Variants in FLG2 observed in about 807,000 individuals in gnomAD.
FLG2 encodes filaggrin-2.
Under a neutral mutation model 3.9 loss-of-function variants are expected in FLG2, and 7 were observed. The observed-to-expected ratio is 1.79, with a 90% confidence interval of 1.02 to 3.36. FLG2 has a LOEUF of 3.36. FLG2 is among the 30% of genes most tolerant of loss of function. The probability of loss-of-function intolerance (pLI) is 0.00; values close to 1 mark genes in which losing one functional copy is unlikely to be tolerated. For synonymous variants in FLG2, 1,031 were observed against 1,056.1 expected, an observed-to-expected ratio of 0.98 and a Z score of 0.46; for missense variants, 2,700 against 2,809.4, an observed-to-expected ratio of 0.96 and a Z score of 0.88.
In FLG2 at chr1:152,356,868, T is replaced by G; in HGVS notation, c.918A>C (p.Gln306His). Residue 306 changes from glutamine to histidine, a missense_variant, in exon 3 of 3, where the codon CAA becomes CAC. Gln to His is a conservative substitution (Grantham distance 24). Transcript: ENST00000388718. ...SSCQSHRFGG[Q>H]GNQFSYIQSG... The stretch of plus-strand genomic sequence containing the variant: ...ACTGAATATAGCTAAATTGATTTCC[T>G]TGCCCTCCAAATCTATGTGACTGAC... The G allele has an allele frequency of 6.2e-7, 1 of 1,614,228 alleles. No individual in the cohort carries two copies. Among genetic ancestry groups the G allele is most frequent in the East Asian group, 2.2e-5 (1 of 44,892 alleles).
At position 152,356,143 on chromosome 1, in the gene FLG2, G is replaced by C; in HGVS notation, c.1643C>G (p.Ser548Cys). Residue 548 changes from serine to cysteine, a missense_variant, in exon 3 of 3, where the codon TCT becomes TGT. Ser to Cys is a moderately radical substitution (Grantham distance 112, BLOSUM62 -1). Transcript: ENST00000388718. ...ATAGCCAGATGATTGACTTGAGCCA[G>C]AACCATGTTGGCCATAGCTAGACTG... ...SRQSSYGQHG[S>C]GSSQSSGYGQ... 1 of 1,613,744 alleles carries C rather than the reference G, an allele frequency of 6.2e-7. No individual in the cohort carries two copies. The highest frequency in any genetic ancestry group is 8.5e-7 in the Non-Finnish European group (1 of 1,179,918).
chr1:152,353,567 C>T lies in FLG2; in HGVS notation c.4219G>A (p.Gly1407Arg). Residue 1407 changes from glycine (G) to arginine (R), a missense_variant, in exon 3 of 3, where the codon GGA (glycine) becomes AGA (arginine). Coordinates refer to ENST00000388718, the MANE Select transcript of FLG2 (RefSeq NM_001014342.3). ...EATGHGHSGHGQSTQRGSRTT... is the reference protein window; with the variant it reads ...EATGHGHSGHRQSTQRGSRTT... ...CTGGACCCTCTCTGTGTGGACTGTC[C>T]ATGACCAGAGTGGCCATGTCCAGTG... 6 of 1,614,060 alleles carry T rather than the reference C, an allele frequency of 3.7e-6. No homozygotes were observed. Among genetic ancestry groups the T allele is most frequent in the South Asian group, 1.1e-5 (1 of 91,070 alleles).
At position 152,354,996 on chromosome 1, in the gene FLG2, A is replaced by G; in HGVS notation, c.2790T>C (p.Ser930=). The G allele has an allele frequency of 6.3e-7, 1 of 1,589,104 alleles. No homozygotes were observed. The highest frequency in any genetic ancestry group is 1.1e-5 in the South Asian group (1 of 87,878). ...CATGTTGACCATAGCCAGATGACTG[A>G]CTTGAGCCAGAACCATGTTGGCCAT... ...SSYGQHGSGS[S]QSSGYGQHGS... The change falls in exon 3 of 3, where the codon AGT becomes AGC. Residue 930 remains serine, a synonymous_variant. Coordinates refer to ENST00000388718, the MANE Select transcript of FLG2 (RefSeq NM_001014342.3).
rs763998594 is a variant in FLG2 at position 152,354,079 on chromosome 1, T to C, written c.3707A>G (p.Gln1236Arg). ...TATTGTCTGACCATGAGTAGTTTCC[T>C]GTCTCCCATGAACTGTGGATCCTGA... ...VESGSTVHGR[Q>R]ETTHGQTINT... Residue 1236 changes from glutamine (Q) to arginine (R), a missense_variant, in exon 3 of 3, where the codon CAG (glutamine) becomes CGG (arginine). By Grantham distance (43) the Gln-to-Arg change is conservative. Coordinates refer to ENST00000388718, the MANE Select transcript of FLG2 (RefSeq NM_001014342.3). The C allele has an allele frequency of 1.9e-6, 3 of 1,614,280 alleles. No individual in the cohort carries two copies. Among genetic ancestry groups the C allele is most frequent in the South Asian group, 1.1e-5 (1 of 91,090 alleles).
rs1438312898 is a variant in FLG2 at position 152,350,786 on chromosome 1, CACT to C, written c.6997_6999del (p.Ser2333del). On this transcript the variant is annotated inframe_deletion, in exon 3 of 3. Transcript: ENST00000388718. ...TGACTTGATCCATGCCTTTGCCTTT[CACT>C]ACTATGTGACTGAAAATGACTTGCT... 4 of 1,614,236 alleles carry C rather than the reference CACT, an allele frequency of 2.5e-6. No homozygotes were observed. Among genetic ancestry groups the C allele is most frequent in the African/African-American group, 2.7e-5 (2 of 75,068 alleles).
Position 152,354,734 on chromosome 1 carries a change from T to C in FLG2, c.3052A>G (p.Ser1018Gly). ...QSSGYGQHGS[S>G]SGQTTGFGQH... ...CCAAAGCCAGTTGTCTGTCCTGAAC[T>C]AGACCCATGTTGACCATAGCCAGAT... The change falls in exon 3 of 3, where the codon AGT (serine) becomes GGT (glycine). Residue 1018 changes from serine (S) to glycine (G), a missense_variant. By Grantham distance (56) the Ser-to-Gly change is moderately conservative. Coordinates refer to ENST00000388718, the MANE Select transcript of FLG2 (RefSeq NM_001014342.3). 6.2e-7 allele frequency: 1 copy of C among 1,613,586 alleles called. No homozygotes were observed. The highest frequency in any genetic ancestry group is 8.5e-7 in the Non-Finnish European group (1 of 1,179,896).
At chr1:152,359,205 T>C (rs1167057995) in intron 1 of FLG2, among the ~76,000 whole-genome samples, 1 of 152,188 alleles carries the variant, frequency 6.6e-6, no homozygotes, top group African/African-American at 2.4e-5. Flanking sequence ...CTCTACACTT[T>C]GAGTGTGTTG....
chr1:152,358,075 G>A (rs1654315654), intron 2 of FLG2, among the ~76,000 whole-genome samples: 1 of 150,580 alleles, frequency 6.6e-6, no homozygotes, highest in Non-Finnish European at 1.5e-5. Context: ...AGGCTGGAGT[G>A]CAGTGGTGCG....
Position 152,357,118 on chromosome 1 carries a change from T to C in FLG2, c.668A>G (p.Tyr223Cys). The stretch of plus-strand genomic sequence containing the variant: ...ACTGTTTGATCCAGATCCAGATTCA[T>C]ACTCCTCCCCAGATTCCCTAGAAGG... Reference protein sequence around the residue: ...ISPSRESGEEYESGSGSNSWE... With the variant: ...ISPSRESGEECESGSGSNSWE... Residue 223 changes from tyrosine to cysteine, a missense_variant, in exon 3 of 3, where the codon TAT (tyrosine) becomes TGT (cysteine). By Grantham distance (194) the Tyr-to-Cys change is radical (BLOSUM62 -2). Transcript: ENST00000388718. The C allele has an allele frequency of 6.2e-7, 1 of 1,614,210 alleles. No individual in the cohort carries two copies. Among genetic ancestry groups the C allele is most frequent in the Non-Finnish European group, 8.5e-7 (1 of 1,180,030 alleles).
rs755233860 is a variant in FLG2 at position 152,356,407 on chromosome 1, G to A, written c.1379C>T (p.Ser460Leu). ...CTGGTCATAGCCCAAGGATTGACTT[G>A]ATGTAGACTCATGCTGGCCACAAGT... is the stretch of plus-strand genomic sequence containing the variant. ...GQTCGQHEST[S>L]SQSLGYDQHG... Residue 460 changes from serine to leucine, a missense_variant, in exon 3 of 3, where the codon TCA becomes TTA. Coordinates refer to ENST00000388718, the MANE Select transcript of FLG2 (RefSeq NM_001014342.3). The A allele has an allele frequency of 6.8e-6, 11 of 1,614,224 alleles. No homozygotes were observed. The highest frequency in any genetic ancestry group is 1.6e-4 in the Middle Eastern group (1 of 6,062).
rs539533778 is a variant in FLG2 at position 152,351,799 on chromosome 1, G to T, written c.5987C>A (p.Thr1996Asn). The T allele has an allele frequency of 1.2e-6, 2 of 1,612,696 alleles. No individual in the cohort carries two copies. Among genetic ancestry groups the T allele is most frequent in the South Asian group, 1.1e-5 (1 of 91,040 alleles). The change falls in exon 3 of 3, where the codon ACT (threonine) becomes AAT (asparagine). Residue 1996 changes from threonine to asparagine, a missense_variant. Physicochemically the swap from Thr to Asn is moderately conservative, Grantham distance 65 (BLOSUM62 0). Transcript: ENST00000388718. ...SGSSVHERHGTTHGQTADTTR... is the reference protein window; with the variant it reads ...SGSSVHERHGNTHGQTADTTR... ...GGTATCTGCTGTTTGTCCATGAGTA[G>T]TTCCGTGTCTCTCATGAACTGAGGA... is the stretch of plus-strand genomic sequence containing the variant.
Position 152,356,097 on chromosome 1 carries a change from C to T in FLG2, c.1689G>A (p.Glu563=), listed in dbSNP as rs1321671032. 1 of 1,613,534 alleles carries T rather than the reference C, an allele frequency of 6.2e-7. No individual in the cohort carries two copies. The highest frequency in any genetic ancestry group is 1.3e-5 in the African/African-American group (1 of 74,690). Residue 563 remains glutamate, a synonymous_variant, in exon 3 of 3, where the codon GAG becomes GAA. Transcript: ENST00000388718. Reference sequence around the variant, plus strand: ...ACCCATGTTGTCCAAAGCCAGATGTCTCTCTAGACCCATATTGGCCATAGC... The same window carrying T: ...ACCCATGTTGTCCAAAGCCAGATGTTTCTCTAGACCCATATTGGCCATAGC... ...SSGYGQYGSR[E]TSGFGQHGLG...
Position 152,356,278 on chromosome 1 carries a change from G to C in FLG2, c.1508C>G (p.Ser503Cys). The C allele has an allele frequency of 6.2e-7, 1 of 1,613,846 alleles. No individual in the cohort carries two copies. Among genetic ancestry groups the C allele is most frequent in the African/African-American group, 1.3e-5 (1 of 74,978 alleles). ...GACAGACCCATGCTGTCCAAAGCCA[G>C]AGGACTGACCTGAGCCTGACCCACA... is the stretch of plus-strand genomic sequence containing the variant. ...GQCGSGSGQS[S>C]GFGQHGSVSG... Residue 503 changes from serine (S) to cysteine (C), a missense_variant, in exon 3 of 3, where the codon TCT (serine) becomes TGT (cysteine). Physicochemically the swap from Ser to Cys is moderately radical, Grantham distance 112. Transcript: ENST00000388718.
chr1:152,350,685 G>C lies in FLG2; in HGVS notation c.7101C>G (p.Ser2367Arg). ...GGTGAGAATTACTGATGCTTTTTCT[G>C]CTGCCACCAGAAGGCCCATACCCAG... ...GHTGYGPSGG[S>R]RKSISNSHLS... The change falls in exon 3 of 3, where the codon AGC becomes AGG. Residue 2367 changes from serine to arginine, a missense_variant. Physicochemically the swap from Ser to Arg is moderately radical, Grantham distance 110. Coordinates refer to ENST00000388718, the MANE Select transcript of FLG2 (RefSeq NM_001014342.3). 1.2e-6 allele frequency: 2 copies of C among 1,614,150 alleles called. No homozygotes were observed. Among genetic ancestry groups the C allele is most frequent in the South Asian group, 1.1e-5 (1 of 91,078 alleles).
rs754395692 is a variant in FLG2 at position 152,351,056 on chromosome 1, C to T, written c.6730G>A (p.Gly2244Arg). The T allele has an allele frequency of 1.2e-6, 2 of 1,613,322 alleles. No individual in the cohort carries two copies. Among genetic ancestry groups the T allele is most frequent in the South Asian group, 1.1e-5 (1 of 91,024 alleles). ...HYGYGQSTQRGSRTTGRRGSG... is the reference protein window; with the variant it reads ...HYGYGQSTQRRSRTTGRRGSG... ...CCCCTTCTTCCAGTTGTCCTGGACC[C>T]TCTCTGTGTGGATTGTCCATAACCA... is the stretch of plus-strand genomic sequence containing the variant. Residue 2244 changes from glycine to arginine, a missense_variant, in exon 3 of 3, where the codon GGG becomes AGG. Gly to Arg is a moderately radical substitution (Grantham distance 125). Transcript: ENST00000388718.
Position 152,357,484 on chromosome 1 carries a change from T to G in FLG2, c.302A>C (p.Lys101Thr). 6.2e-7 allele frequency: 1 copy of G among 1,614,212 alleles called. No individual in the cohort carries two copies. Among genetic ancestry groups the G allele is most frequent in the South Asian group, 1.1e-5 (1 of 91,082 alleles). Residue 101 changes from lysine to threonine, a missense_variant, in exon 3 of 3, where the codon AAG becomes ACG. By Grantham distance (78) the Lys-to-Thr change is moderately conservative. Transcript: ENST00000388718. ...TTGGTGTCGGTGACCACGCCTATGC[T>G]TCTTTGACCCTGAAGCTTTGCAGTA... ...KEYCKASGSKKHRRGHRHQEE... is the reference protein window; with the variant it reads ...KEYCKASGSKTHRRGHRHQEE...
At position 152,352,945 on chromosome 1, in the gene FLG2, T is replaced by C; in HGVS notation, c.4841A>G (p.His1614Arg). The C allele has an allele frequency of 6.2e-7, 1 of 1,613,740 alleles. No individual in the cohort carries two copies. Among genetic ancestry groups the C allele is most frequent in the Non-Finnish European group, 8.5e-7 (1 of 1,179,942 alleles). Residue 1614 changes from histidine (H) to arginine (R), a missense_variant, in exon 3 of 3, where the codon CAT becomes CGT. Physicochemically the swap from His to Arg is conservative, Grantham distance 29. Transcript: ENST00000388718. ...TCCATGAGTAGTTCCGTGTCTCTCATGAACTGTGAATTCTGGCTCTTCATG... is the reference window on the plus strand; with the variant it reads ...TCCATGAGTAGTTCCGTGTCTCTCACGAACTGTGAATTCTGGCTCTTCATG... ...SQHEEPEFTV[H>R]ERHGTTHGQI...
At position 152,351,267 on chromosome 1, in the gene FLG2, A is replaced by C. The variant is rs2101674748; in HGVS notation, c.6519T>G (p.Thr2173=). 6.2e-7 allele frequency: 1 copy of C among 1,613,140 alleles called. No homozygotes were observed. The highest frequency in any genetic ancestry group is 2.2e-5 in the East Asian group (1 of 44,792). The change falls in exon 3 of 3, where the codon ACT becomes ACG. Residue 2173 remains threonine, a synonymous_variant. Coordinates refer to ENST00000388718, the MANE Select transcript of FLG2 (RefSeq NM_001014342.3). ...GQSTQTGSRT[T]GRQRSSHSES... is the part of the protein sequence containing the mutation. ...CACTGTGACTAGATCTTTGTCTTCCAGTTGTCCTGGAACCTGTCTGTGTGG... is the reference window on the plus strand; with the variant it reads ...CACTGTGACTAGATCTTTGTCTTCCCGTTGTCCTGGAACCTGTCTGTGTGG...
rs775057083 is a variant in FLG2 at position 152,350,829 on chromosome 1, A to T, written c.6957T>A (p.Gly2319=). 2 of 1,614,160 alleles carry T rather than the reference A, an allele frequency of 1.2e-6. No homozygotes were observed. Among genetic ancestry groups the T allele is most frequent in the Non-Finnish European group, 1.7e-6 (2 of 1,180,028 alleles). ...HSGYGQSTQT[G]SRSSRASHFQ... is the part of the protein sequence containing the mutation. Reference sequence around the variant, plus strand: ...AATGACTTGCTCTACTAGATCTGGAACCTGTCTGTGTGGATTGTCCATAAC... The same window carrying T: ...AATGACTTGCTCTACTAGATCTGGATCCTGTCTGTGTGGATTGTCCATAAC... Residue 2319 remains glycine (G), a synonymous_variant, in exon 3 of 3, where the codon GGT becomes GGA. Coordinates refer to ENST00000388718, the MANE Select transcript of FLG2 (RefSeq NM_001014342.3).
Sources: allele counts gnomAD v4.1 joint callset (sites outside exome capture counted in the v4.1 genomes callset), GRCh38; gene constraint gnomAD v4.1.1; transcripts MANE v1.5; gene names NCBI Gene and HGNC (gene_info 2026-07-23, HGNC 2026-07-21).